HOXD11: variants seen among roughly 807,000 people sequenced by gnomAD.
HOXD11 encodes homeobox D11, also known as homeobox protein Hox-D11.
Under a neutral mutation model 23.1 loss-of-function variants are expected in HOXD11, and 16 were observed. The observed-to-expected ratio is 0.69, with a 90% CI of 0.47 to 1.05. HOXD11 has a LOEUF of 1.05. HOXD11 is among the 50% of genes least tolerant of loss of function. The probability of loss-of-function intolerance (pLI) is 0.00; values close to 1 mark genes in which losing one functional copy is unlikely to be tolerated. For missense variants in HOXD11, 564 were observed against 495.6 expected (o/e 1.14, Z -1.31); for synonymous variants, 262 against 224.4 (o/e 1.17, Z -1.50).
intron 1 of HOXD11, 52 bp downstream of exon 1, chr2:176,108,188 G>C (rs545936360): frequency 0.04 from 32,822 of 813,350 alleles, 2,032 homozygotes; most frequent in Middle Eastern, 0.05. Context: ...CGGGGGAGGG[G>C]GGGGGGGCGG....
chr2:176,114,114 A>T (rs1689715296), downstream of HOXD11, among the ~76,000 whole-genome samples: 1 of 152,232 alleles, frequency 6.6e-6, no homozygotes, highest in African/African-American at 2.4e-5. Context: ...CAAGAGGCAA[A>T]AGGGCGACAC....
At chr2:176,111,825 G>GAAAAAAAAAAAAAAA, downstream of HOXD11, among the ~76,000 whole-genome samples, 1 of 10,384 alleles carries the variant, frequency 9.6e-5, no homozygotes, top group Admixed American at 1.2e-3. Flanking sequence ...CCTCCCCCCC[G>GAAAAAAAAAAAAAAA]CAAAAAAAAA....
downstream of HOXD11, chr2:176,111,429 G>A (rs1689670647): frequency 2.0e-5 from 3 of 152,030 alleles, no homozygotes; most frequent in Middle Eastern, 0.01. Flanking sequence ...CAGAAGCCGC[G>A]TTTGACCAAG....
chr2:176,108,169 C>A (rs1198820204), intron 1 of HOXD11, 33 bp downstream of exon 1: 3 of 124,006 alleles, frequency 2.4e-5, no homozygotes, highest in South Asian at 4.1e-4. Context: ...GCGGTGGGCC[C>A]GGGGGCCGCG....
downstream of HOXD11, among the ~76,000 whole-genome samples, chr2:176,111,840 A>AAAAAAAAAAAAAAAAAAAAAAC (rs1553518459): frequency 2.8e-5 from 4 of 140,724 alleles, no homozygotes; most frequent in Non-Finnish European, 4.7e-5. Context: ...AAAAAAAAAA[A>AAAAAAAAAAAAAAAAAAAAAAC]AAAAAAAAAC....
downstream of HOXD11, among the ~76,000 whole-genome samples, chr2:176,112,248 C>T (rs375058720): frequency 6.6e-6 from 1 of 152,250 alleles, no homozygotes; most frequent in Non-Finnish European, 1.5e-5. Flanking sequence ...TTGTGGCTCT[C>T]AGAAGCAGTG....
chr2:176,108,060 G>A lies in HOXD11; in HGVS notation c.705G>A (p.Lys235=). ...AGGCGACCCCTGGCTCGGAGCCCAA[G>A]GGGGCAGCAGAAGGCAGCGGTGGCG... ...CTKATPGSEP[K]GAAEGSGGDG... is the part of the protein sequence containing the mutation. Residue 235 remains lysine, a synonymous_variant, in exon 1 of 2, where the codon AAG becomes AAA. Coordinates refer to ENST00000249504, the MANE Select transcript of HOXD11 (RefSeq NM_021192.3). 2.0e-6 allele frequency: 3 copies of A among 1,484,938 alleles called. No homozygotes were observed. The highest frequency in any genetic ancestry group is 2.7e-6 in the Non-Finnish European group (3 of 1,124,100). 92.0% of individuals were successfully genotyped at this position (1,484,938 alleles called of 1,614,324 possible).
chr2:176,113,907 C>T (rs1689710841), downstream of HOXD11, among the ~76,000 whole-genome samples: 3 of 152,212 alleles, frequency 2.0e-5, no homozygotes, highest in South Asian at 6.2e-4. Context: ...GAAGACACAT[C>T]CTGCCTATTC....
At chr2:176,108,657 C>CTCTG (rs1559114144) in intron 1 of HOXD11, 2 of 263,250 alleles carry the variant, frequency 7.6e-6, no homozygotes, top group African/African-American at 6.9e-5. Flanking sequence ...CCGTGCCAGG[C>CTCTG]TCTGTGTGTG....
At position 176,108,973 on chromosome 2, in the gene HOXD11, G is replaced by T. The variant is rs1400085492; in HGVS notation, c.848G>T (p.Arg283Leu). The change falls in exon 2 of 2, where the codon CGC (arginine) becomes CTC (leucine). Residue 283 changes from arginine to leucine, a missense_variant. Coordinates refer to ENST00000249504, the MANE Select transcript of HOXD11 (RefSeq NM_021192.3). Reference sequence around the variant, plus strand: ...AAGTACCAGATCCGCGAACTGGAACGCGAGTTTTTCTTTAACGTGTACATA... The same window carrying T: ...AAGTACCAGATCCGCGAACTGGAACTCGAGTTTTTCTTTAACGTGTACATA... Reference protein sequence around the residue: ...YTKYQIRELEREFFFNVYINK... With the variant: ...YTKYQIRELELEFFFNVYINK... 5.0e-6 allele frequency: 8 copies of T among 1,614,060 alleles called. No homozygotes were observed. The Admixed American group carries it at 5.0e-5, about 10-fold the overall frequency.
At position 176,107,468 on chromosome 2, in the gene HOXD11, C is replaced by A. The variant is rs772546103; in HGVS notation, c.113C>A (p.Pro38Gln). 6.2e-7 allele frequency: 1 copy of A among 1,614,034 alleles called. No homozygotes were observed. Among genetic ancestry groups the A allele is most frequent in the Middle Eastern group, 1.6e-4 (1 of 6,062 alleles). ...AGCAAGCCTTCGTTCCTTTCCCAAC[C>A]GTCGTCCTGCCAGATGACTTTCCCC... ...FASKPSFLSQ[P>Q]SSCQMTFPYS... Residue 38 changes from proline to glutamine, a missense_variant, in exon 1 of 2, where the codon CCG (proline) becomes CAG (glutamine). By Grantham distance (76) the Pro-to-Gln change is moderately conservative. Coordinates refer to ENST00000249504, the MANE Select transcript of HOXD11 (RefSeq NM_021192.3).
downstream of HOXD11, among the ~76,000 whole-genome samples, chr2:176,110,826 T>C (rs1220010119): frequency 6.6e-6 from 1 of 152,232 alleles, no homozygotes; most frequent in Admixed American, 6.5e-5. Flanking sequence ...TTAATTTCCC[T>C]GCAAACGTTT....
At chr2:176,113,704 CTT>C (rs1689707066), downstream of HOXD11, among the ~76,000 whole-genome samples, 1 of 152,154 alleles carries the variant, frequency 6.6e-6, no homozygotes, top group Admixed American at 6.5e-5. Flanking sequence ...TTGACAGTCT[CTT>C]GTCTCAAGGA....
Position 176,107,341 on chromosome 2 carries a change from G to A in HOXD11, c.-15G>A, listed in dbSNP as rs549697818. On this transcript the variant is annotated 5_prime_UTR_variant, in exon 1 of 2. Transcript: ENST00000249504. ...GGAGCGGCCAGAGGCTCGCTGGCGC[G>A]CACGCCGCGGAGTCATGAACGACTT... is the stretch of plus-strand genomic sequence containing the variant. 3.2e-6 allele frequency: 5 copies of A among 1,561,420 alleles called. No individual in the cohort carries two copies. Among genetic ancestry groups the A allele is most frequent in the Non-Finnish European group, 4.3e-6 (5 of 1,155,874 alleles).
downstream of HOXD11, among the ~76,000 whole-genome samples, chr2:176,110,527 G>A (rs180968054): frequency 3.3e-5 from 5 of 152,244 alleles, no homozygotes; most frequent in African/African-American, 1.2e-4. Context: ...ATCTTCCAAG[G>A]AGTCATGCAC....
At chr2:176,110,292 C>G (rs1310773854), downstream of HOXD11, among the ~76,000 whole-genome samples, 2 of 152,190 alleles carry the variant, frequency 1.3e-5, no homozygotes, top group African/African-American at 2.4e-5. Context: ...TTTACAAAAC[C>G]TTGAACTGTC....
downstream of HOXD11, among the ~76,000 whole-genome samples, chr2:176,112,744 G>A (rs1466957198): frequency 6.6e-6 from 1 of 152,246 alleles, no homozygotes; most frequent in Non-Finnish European, 1.5e-5. Context: ...CCCAGCGGCT[G>A]CACATCTGGC....
In HOXD11 at chr2:176,108,145, C is replaced by T. The variant is rs1322783496; in HGVS notation, c.781+9C>T. ...GAAGAGCAGCAGCGCAGGTAGGCAC[C>T]GGGTACTGGGCAAGCGGTGGGCCCG... On this transcript the variant is annotated intron_variant, in intron 1 of 1. Transcript: ENST00000249504. 2.1e-6 allele frequency: 2 copies of T among 939,526 alleles called. No individual in the cohort carries two copies. The highest frequency in any genetic ancestry group is 3.6e-5 in the South Asian group (1 of 28,076). The allele number at this position is 939,526 out of a possible 1,614,324, so 58.2% of individuals were successfully genotyped here. A position where few individuals can be genotyped will look rare whatever the true frequency, so the allele number is the denominator to read the frequency against.
rs962517986 is a variant in HOXD11, at chr2:176,109,616, G to A, written c.*474G>A. 1 of 225,716 alleles carries A rather than the reference G, an allele frequency of 4.4e-6. No homozygotes were observed. Among genetic ancestry groups the A allele is most frequent in the Non-Finnish European group, 8.8e-6 (1 of 113,550 alleles). 14.0% of individuals were successfully genotyped at this position (225,716 alleles called of 1,614,324 possible). A position where few individuals can be genotyped will look rare whatever the true frequency, so the allele number is the denominator to read the frequency against. ...CATGAGTCACTGTCTTTTTTTGTGT[G>A]AATAAATGGTTTCTAGTAAAATGGA... On this transcript the variant is annotated 3_prime_UTR_variant, in exon 2 of 2. Coordinates refer to ENST00000249504, the MANE Select transcript of HOXD11 (RefSeq NM_021192.3).
Sources: allele counts gnomAD v4.1 joint callset (sites outside exome capture counted in the v4.1 genomes callset), GRCh38; gene constraint gnomAD v4.1.1; transcripts MANE v1.5; gene names NCBI Gene and HGNC (gene_info 2026-07-23, HGNC 2026-07-21).